Variants in PHEX observed in about 807,000 individuals in gnomAD.
The protein encoded by PHEX is phosphate-regulating neutral endopeptidase PHEX.
In PHEX, 16 loss-of-function variants were observed where a neutral mutation model predicts 68.0. The ratio of observed to expected loss-of-function variants is 0.24; its 90% CI spans 0.16 to 0.36. PHEX has a LOEUF of 0.36. Ranked by LOEUF, PHEX falls within the 10% of genes least tolerant of loss-of-function variation. The pLI is 1.00. For missense variants in PHEX, 480 were observed against 575.5 expected, an observed-to-expected ratio of 0.83 and a Z score of 1.70; for synonymous variants, 208 against 205.1, an observed-to-expected ratio of 1.01 and a Z score of -0.12.
In PHEX at chrX:22,249,806, G is replaced by C. The variant is rs1936521250; in HGVS notation, c.*1853G>C. The C allele has an allele frequency of 9.1e-6, 1 of 110,435 alleles. No homozygotes were observed. The allele number at this position is 110,435 out of a possible 1,213,427, so 9.1% of individuals were successfully genotyped here. On this transcript the variant is annotated 3_prime_UTR_variant, in exon 22 of 22. Coordinates refer to ENST00000379374, the MANE Select transcript of PHEX (RefSeq NM_000444.6). ...ATATAAGATACTCTGTTTTATTCCT[G>C]GACTTGGGTGTTTAAAATCAGCTGA...
At chrX:22,136,177 GA>G (rs113212789) in intron 12 of PHEX, among the ~76,000 whole-genome samples, 17 of 102,952 alleles carry the variant, frequency 1.7e-4, no homozygotes, top group Admixed American at 4.2e-4. Context: ...CGTTGTTTTT[GA>G]AAAAAAAAAA....
intron 14 of PHEX, among the ~76,000 whole-genome samples, chrX:22,180,449 G>A (rs891531516): frequency 2.8e-5 from 3 of 108,956 alleles, no homozygotes; most frequent in Non-Finnish European, 5.7e-5. Flanking sequence ...GGTTTTCCTC[G>A]TTAGTTTTCT....
intron 15 of PHEX, among the ~76,000 whole-genome samples, chrX:22,204,515 T>C (rs769599245): frequency 8.9e-6 from 1 of 112,201 alleles, no homozygotes; most frequent in Admixed American, 9.5e-5. Flanking sequence ...AGTGGTATCC[T>C]TTCTCCCTCA....
intron 11 of PHEX, among the ~76,000 whole-genome samples, chrX:22,127,188 A>G (rs1361058510): frequency 1.8e-5 from 2 of 110,974 alleles, no homozygotes; most frequent in Admixed American, 9.6e-5. Flanking sequence ...ATAAATAGAT[A>G]TTTAACAAAA....
At chrX:22,167,431 G>T (rs749704937) in intron 12 of PHEX, among the ~76,000 whole-genome samples, 3 of 107,086 alleles carry the variant, frequency 2.8e-5, no homozygotes, top group African/African-American at 1.0e-4. Context: ...TTGACAATTT[G>T]CATGTCTTCT....
chrX:22,110,163 G>A (rs936794771), intron 9 of PHEX, among the ~76,000 whole-genome samples: 3 of 111,861 alleles, frequency 2.7e-5, no homozygotes, highest in Non-Finnish European at 5.6e-5. Flanking sequence ...TAACATCATC[G>A]ATAGCTTCTT....
intron 5 of PHEX, among the ~76,000 whole-genome samples, chrX:22,084,947 A>C (rs1228232030): frequency 9.1e-6 from 1 of 109,704 alleles, no homozygotes; most frequent in African/African-American, 3.3e-5. Context: ...AACTTTTTTC[A>C]TTAATTTTTT....
chrX:22,164,399 G>A, intron 12 of PHEX, among the ~76,000 whole-genome samples: 1 of 111,849 alleles, frequency 8.9e-6, no homozygotes, highest in Non-Finnish European at 1.9e-5. Context: ...TCTTTGGGAG[G>A]TAAATAGGGA....
intron 12 of PHEX, among the ~76,000 whole-genome samples, chrX:22,153,826 G>A (rs1003175278): frequency 4.5e-5 from 5 of 111,918 alleles, no homozygotes; most frequent in Admixed American, 9.5e-5. Context: ...ACTGGATTGC[G>A]TGCTAATTTT....
chrX:22,159,492 AAACAACAAC>A (rs58499708), intron 12 of PHEX, among the ~76,000 whole-genome samples: 3,932 of 111,569 alleles, frequency 0.035, 192 homozygotes, highest in African/African-American at 0.12. Flanking sequence ...ACAAAAAGGA[AAACAACAAC>A]AACAACAACA....
intron 12 of PHEX, among the ~76,000 whole-genome samples, chrX:22,145,839 A>G (rs1932673020): frequency 8.9e-6 from 1 of 112,270 alleles, no homozygotes; most frequent in Non-Finnish European, 1.9e-5. Context: ...TTACTCTGAC[A>G]TATAGTTTAT....
intron 14 of PHEX, among the ~76,000 whole-genome samples, chrX:22,184,557 G>A (rs1055339680): frequency 8.9e-6 from 1 of 111,880 alleles, no homozygotes; most frequent in Non-Finnish European, 1.9e-5. Context: ...TAAGGCGATG[G>A]GAAATGTCAG....
Position 22,077,624 on chromosome X carries a change from T to C in PHEX, c.585T>C (p.Arg195=), listed in dbSNP as rs1442251147. ...FSLLQTLATF[R]GQYSNSVFIR... ...TTCTGCAGACACTTGCAACGTTTCG[T>C]GGTCAATACAGCAATTCTGTGTTCA... is the stretch of plus-strand genomic sequence containing the variant. The change falls in exon 5 of 22, where the codon CGT becomes CGC. Residue 195 remains arginine, a synonymous_variant. Coordinates refer to ENST00000379374, the MANE Select transcript of PHEX (RefSeq NM_000444.6). 8.3e-7 allele frequency: 1 copy of C among 1,210,994 alleles called. No individual in the cohort carries two copies. The highest frequency in any genetic ancestry group is 1.1e-6 in the Non-Finnish European group (1 of 894,974).
intron 13 of PHEX, among the ~76,000 whole-genome samples, chrX:22,175,811 A>G (rs966473079): frequency 1.8e-5 from 2 of 111,848 alleles, no homozygotes; most frequent in African/African-American, 6.5e-5. Flanking sequence ...TAAAAAGTTA[A>G]TATTTTTGAA....
chrX:22,129,320 A>G (rs1931879102), intron 11 of PHEX, among the ~76,000 whole-genome samples: 1 of 112,185 alleles, frequency 8.9e-6, no homozygotes, highest in African/African-American at 3.2e-5. Flanking sequence ...ACAGTTGCCC[A>G]TAGGTAACTG....
chrX:22,086,533 G>A (rs888539670), intron 5 of PHEX, among the ~76,000 whole-genome samples: 2 of 111,612 alleles, frequency 1.8e-5, no homozygotes, highest in African/African-American at 6.5e-5. Flanking sequence ...GCATCATAGA[G>A]AAATTTTATT....
rs143175057 is a variant in PHEX at position 22,138,202 on chromosome X, A to G, written c.1404+4578A>G. ...CAACTAGGACACAGCCCCTGGGGGT[A>G]TACGCTTTCCCAGTGCTTCCTTGCC... On this transcript the variant is annotated intron_variant, in intron 12 of 21. Transcript: ENST00000379374. 3.8e-3 allele frequency among the ~76,000 whole-genome samples: 430 copies of G among 112,854 alleles called. 4 individuals are homozygous for G. Among genetic ancestry groups the G allele is most frequent in the African/African-American group, 0.013 (392 of 31,110 alleles).
intron 12 of PHEX, among the ~76,000 whole-genome samples, chrX:22,150,200 G>A (rs1932829936): frequency 1.8e-5 from 2 of 112,201 alleles, no homozygotes; most frequent in Non-Finnish European, 3.8e-5. Flanking sequence ...GAGAAGCAGA[G>A]CCCTACTGGA....
intron 15 of PHEX, among the ~76,000 whole-genome samples, chrX:22,207,094 G>C (rs184267041): frequency 6.8e-4 from 76 of 112,016 alleles, no homozygotes; most frequent in African/African-American, 2.4e-3. Context: ...CTCCAACTAG[G>C]TTACTCCATA....
Sources: allele counts gnomAD v4.1 joint callset (sites outside exome capture counted in the v4.1 genomes callset), GRCh38; gene constraint gnomAD v4.1.1; transcripts MANE v1.5; gene names NCBI Gene and HGNC (gene_info 2026-07-23, HGNC 2026-07-21).